Variants in ALKBH8 observed in about 807,000 individuals in gnomAD.
The protein encoded by ALKBH8 is alkB homolog 8, tRNA methyltransferase.
ALKBH8 carries 36 observed loss-of-function variants against 59.8 expected under a neutral mutation model. The ratio of observed to expected loss-of-function variants is 0.60; its 90% CI spans 0.46 to 0.79. The LOEUF (loss-of-function observed/expected upper bound fraction) is 0.79. ALKBH8 is among the 30% of genes least tolerant of loss of function. The probability of loss-of-function intolerance (pLI) is 0.00; values close to 1 mark genes in which losing one functional copy is unlikely to be tolerated. For synonymous variants in ALKBH8, 276 were observed against 273.6 expected (o/e 1.01, Z -0.09); for missense variants, 768 against 801.0 (o/e 0.96, Z 0.50).
intron 8 of ALKBH8, among the ~76,000 whole-genome samples, chr11:107,526,320 C>A (rs1863354059): frequency 6.6e-6 from 1 of 151,896 alleles, no homozygotes; most frequent in South Asian, 2.1e-4. Flanking sequence ...TAGTGAGTGG[C>A]ATGTGGTATG....
In ALKBH8 at chr11:107,504,358, T is replaced by C. The variant is rs2135457889; in HGVS notation, c.*300A>G. The C allele has an allele frequency of 3.5e-6, 2 of 566,314 alleles. No individual in the cohort carries two copies. Among genetic ancestry groups the C allele is most frequent in the Non-Finnish European group, 6.2e-6 (2 of 323,618 alleles). 35.1% of individuals were successfully genotyped at this position (566,314 alleles called of 1,614,324 possible). ...ATTTAGTAGCACTTTACTAAAAAAC[T>C]ATTATCTTCAAAATCCTGGGCTCTT... On this transcript the variant is annotated 3_prime_UTR_variant, in exon 12 of 12. Coordinates refer to ENST00000428149, the MANE Select transcript of ALKBH8 (RefSeq NM_138775.3).
intron 8 of ALKBH8, among the ~76,000 whole-genome samples, 176 bp downstream of exon 8, chr11:107,532,124 A>T (rs1461206090): frequency 6.6e-6 from 1 of 152,148 alleles, no homozygotes. Flanking sequence ...TAAATTAAGA[A>T]TTTTTTCCAA....
intron 7 of ALKBH8, among the ~76,000 whole-genome samples, chr11:107,540,941 G>A (rs1002663751): frequency 6.6e-6 from 1 of 152,144 alleles, no homozygotes; most frequent in Non-Finnish European, 1.5e-5. Context: ...ATAGGGTGGT[G>A]TATATTTTAT....
chr11:107,559,192 G>A (rs1591329871), intron 2 of ALKBH8, among the ~76,000 whole-genome samples: 1 of 152,178 alleles, frequency 6.6e-6, no homozygotes, highest in Admixed American at 6.5e-5. Context: ...CCCCGGCCAC[G>A]TGGAACTGTG....
chr11:107,537,670 T>C (rs567840941), intron 7 of ALKBH8, among the ~76,000 whole-genome samples: 2 of 151,140 alleles, frequency 1.3e-5, no homozygotes, highest in South Asian at 4.2e-4. Context: ...TGTTTATCTA[T>C]GTAACAAACC....
At chr11:107,559,869 A>C (rs1565351571) in intron 2 of ALKBH8, among the ~76,000 whole-genome samples, 1 of 152,126 alleles carries the variant, frequency 6.6e-6, no homozygotes, top group Non-Finnish European at 1.5e-5. Context: ...GAGAGTTGAG[A>C]GGCCTAAGTT....
intron 10 of ALKBH8, among the ~76,000 whole-genome samples, chr11:107,516,776 T>A (rs1371462396): frequency 6.6e-6 from 1 of 152,188 alleles, no homozygotes; most frequent in East Asian, 1.9e-4. Context: ...CCCAACACTT[T>A]GGGAGACAAA....
chr11:107,539,141 C>T (rs1298886157), intron 7 of ALKBH8, among the ~76,000 whole-genome samples: 4 of 152,208 alleles, frequency 2.6e-5, no homozygotes. Flanking sequence ...GTACACTTTG[C>T]TAAGCTGAAA....
At chr11:107,512,308 T>TG (rs1287537288) in intron 10 of ALKBH8, among the ~76,000 whole-genome samples, 8 of 114,652 alleles carry the variant, frequency 7.0e-5, no homozygotes, top group East Asian at 2.8e-4. Flanking sequence ...TAAGGGTTTT[T>TG]TTTTGTTTGT....
intron 9 of ALKBH8, among the ~76,000 whole-genome samples, chr11:107,524,856 C>T (rs1386854269): frequency 6.6e-6 from 1 of 151,990 alleles, no homozygotes; most frequent in Non-Finnish European, 1.5e-5. Flanking sequence ...ATATTATTTA[C>T]AAAATGAAAG....
intron 7 of ALKBH8, among the ~76,000 whole-genome samples, chr11:107,536,495 G>A (rs1181601565): frequency 1.3e-5 from 2 of 152,178 alleles, no homozygotes; most frequent in South Asian, 4.1e-4. Flanking sequence ...AATGAAAGTT[G>A]ATCACTTATT....
In ALKBH8 at chr11:107,560,794, C is replaced by T. The variant is rs768286078; in HGVS notation, c.100G>A (p.Gly34Ser). Reference sequence around the variant, plus strand: ...GTGGCATAGGATACTGTCTCAATGCCTTCATGTCTCAGCAAAGTATGCTTG... The same window carrying T: ...GTGGCATAGGATACTGTCTCAATGCTTTCATGTCTCAGCAAAGTATGCTTG... ...KAKHTLLRHE[G>S]IETVSYATQS... The change falls in exon 2 of 12, where the codon GGC becomes AGC. Residue 34 changes from glycine to serine, a missense_variant. Transcript: ENST00000428149. The T allele has an allele frequency of 6.8e-6, 11 of 1,612,882 alleles. No homozygotes were observed. In the African/African-American group the frequency reaches 1.3e-4, roughly 20 times the overall value.
At chr11:107,517,278 G>A (rs1862903055) in intron 10 of ALKBH8, among the ~76,000 whole-genome samples, 1 of 152,112 alleles carries the variant, frequency 6.6e-6, no homozygotes, top group Non-Finnish European at 1.5e-5. Context: ...ACGGCGTTGA[G>A]GATGTGGGGA....
intron 8 of ALKBH8, among the ~76,000 whole-genome samples, chr11:107,528,531 C>T (rs1863446241): frequency 2.0e-5 from 3 of 152,122 alleles, no homozygotes; most frequent in South Asian, 4.1e-4. Flanking sequence ...TGAACAAAGT[C>T]AAGGTATTTT....
At chr11:107,549,656 ATCTTAAT>A in intron 7 of ALKBH8, 90 bp downstream of exon 7, 2 of 889,376 alleles carry the variant, frequency 2.2e-6, no homozygotes, top group South Asian at 6.0e-5. Flanking sequence ...TCATTTTTAA[ATCTTAAT>A]TCATTTTCAT....
Position 107,565,594 on chromosome 11 carries a change from C to G in ALKBH8, c.-7+7G>C. On this transcript the variant is annotated splice_region_variant and intron_variant, in intron 1 of 11. Transcript: ENST00000428149. ...CCGTATGCCCGCCAGTAAGAAGTGC[C>G]ACACACCTCCGCTTCGGCTCAGGCC... The G allele has an allele frequency of 1.3e-6, 2 of 1,535,722 alleles. No homozygotes were observed. The highest frequency in any genetic ancestry group is 1.7e-6 in the Non-Finnish European group (2 of 1,146,916).
At position 107,504,733 on chromosome 11, in the gene ALKBH8, C is replaced by T. The variant is rs1439374478; in HGVS notation, c.1920G>A (p.Arg640=). The T allele has an allele frequency of 1.3e-6, 2 of 1,551,952 alleles. No individual in the cohort carries two copies. The highest frequency in any genetic ancestry group is 1.7e-6 in the Non-Finnish European group (2 of 1,147,036). The change falls in exon 12 of 12, where the codon AGG becomes AGA. Residue 640 remains arginine (R), a synonymous_variant. Coordinates refer to ENST00000428149, the MANE Select transcript of ALKBH8 (RefSeq NM_138775.3). Reference sequence around the variant, plus strand: ...GCAGAATTCTGACATCACTCACAGTCCTGCAGGCACCTTCCAGTTCTCCCT... The same window carrying T: ...GCAGAATTCTGACATCACTCACAGTTCTGCAGGCACCTTCCAGTTCTCCCT... ...FREGELEGAC[R]TVSDVRILQS...
Position 107,525,590 on chromosome 11 carries a change from A to G in ALKBH8, c.881T>C (p.Ile294Thr). Residue 294 changes from isoleucine to threonine, a missense_variant and splice_region_variant, in exon 9 of 12, where the codon ATC becomes ACC. Ile to Thr is a moderately conservative substitution (Grantham distance 89). Transcript: ENST00000428149. ...GESRYLWTHG[I>T]TCRKFDTVQA... is the part of the protein sequence containing the mutation. ...AACAGTATCAAATTTTCTGCACGTG[A>G]TTCTAAAAACAATAGTCAAAAAAAT... 4 of 1,380,500 alleles carry G rather than the reference A, an allele frequency of 2.9e-6. No homozygotes were observed. The highest frequency in any genetic ancestry group is 2.8e-6 in the Non-Finnish European group (3 of 1,063,290). 85.5% of individuals were successfully genotyped at this position (1,380,500 alleles called of 1,614,324 possible).
Position 107,505,232 on chromosome 11 carries a change from A to G in ALKBH8, c.1438-17T>C, listed in dbSNP as rs1591235063. The G allele has an allele frequency of 6.6e-7, 1 of 1,504,994 alleles. No homozygotes were observed. The highest frequency in any genetic ancestry group is 1.3e-5 in the South Asian group (1 of 76,284). 93.2% of individuals were successfully genotyped at this position (1,504,994 alleles called of 1,614,324 possible). ...TCTACGCTCCTAATGAAAAAAAACA[A>G]AACACATGATCAACCTGGAAGAGAC... On this transcript the variant is annotated splice_polypyrimidine_tract_variant and intron_variant, in intron 11 of 11. Transcript: ENST00000428149.
Sources: allele counts gnomAD v4.1 joint callset (sites outside exome capture counted in the v4.1 genomes callset), GRCh38; gene constraint gnomAD v4.1.1; transcripts MANE v1.5; gene names NCBI Gene and HGNC (gene_info 2026-07-23, HGNC 2026-07-21).